Variants in POFUT2 observed in about 807,000 individuals in gnomAD.
The protein encoded by POFUT2 is protein O-fucosyltransferase 2, also known as GDP-fucose protein O-fucosyltransferase 2.
In POFUT2, 30 loss-of-function variants were observed where a neutral mutation model predicts 55.0. The observed-to-expected ratio is 0.55, with a 90% CI of 0.41 to 0.74. The LOEUF (loss-of-function observed/expected upper bound fraction) is 0.74. Ranked by LOEUF, POFUT2 falls within the 30% of genes least tolerant of loss-of-function variation. The pLI is 0.00. For missense variants in POFUT2, 524 were observed against 562.6 expected, an observed-to-expected ratio of 0.93 and a Z score of 0.69; for synonymous variants, 267 against 231.1, an observed-to-expected ratio of 1.16 and a Z score of -1.41.
chr21:45,265,717 A>T lies in POFUT2; in HGVS notation c.1137-82T>A. On this transcript the variant is annotated intron_variant, in intron 8 of 8. Transcript: ENST00000349485. The surrounding 1 kb of genome is among the most constrained non-coding windows in gnomAD (Gnocchi z 4.6). ...AGAGTCAGGGAGAACTGAGAGGAGCAGCTGAGTGAAATGAGTTCCACAGTT... is the reference window on the plus strand; with the variant it reads ...AGAGTCAGGGAGAACTGAGAGGAGCTGCTGAGTGAAATGAGTTCCACAGTT... 1 of 1,527,972 alleles carries T rather than the reference A, an allele frequency of 6.5e-7. No individual in the cohort carries two copies. The highest frequency in any genetic ancestry group is 8.7e-7 in the Non-Finnish European group (1 of 1,142,864). 94.7% of individuals were successfully genotyped at this position (1,527,972 alleles called of 1,614,324 possible).
At position 45,270,392 on chromosome 21, in the gene POFUT2, C is replaced by G. The variant is rs139055385; in HGVS notation, c.832-373G>C. The stretch of plus-strand genomic sequence containing the variant: ...TCACAGCTGCAAACTCCCCGGGAGC[C>G]AGAATGCTCTGCTGCCCTCTTGACA... On this transcript the variant is annotated intron_variant, in intron 6 of 8. Transcript: ENST00000349485. This position sits in a 1 kb window ranked among gnomAD's most constrained non-coding sequence, Gnocchi z 4.6. Among the ~76,000 whole-genome samples, 255 of 152,252 alleles carry G rather than the reference C, an allele frequency of 1.7e-3. 1 individual carries two copies. Among genetic ancestry groups the G allele is most frequent in the African/African-American group, 5.5e-3 (228 of 41,528 alleles).
Position 45,270,386 on chromosome 21 carries a change from G to A in POFUT2, c.832-367C>T, listed in dbSNP as rs751006660. Among the ~76,000 whole-genome samples the A allele has an allele frequency of 9.2e-5, 14 of 151,856 alleles. No homozygotes were observed. Among genetic ancestry groups the A allele is most frequent in the Non-Finnish European group, 1.5e-4 (10 of 67,994 alleles). Reference sequence around the variant, plus strand: ...AGCAGCTCACAGCTGCAAACTCCCCGGGAGCCAGAATGCTCTGCTGCCCTC... The same window carrying A: ...AGCAGCTCACAGCTGCAAACTCCCCAGGAGCCAGAATGCTCTGCTGCCCTC... On this transcript the variant is annotated intron_variant, in intron 6 of 8. Transcript: ENST00000349485. The surrounding 1 kb of genome is among the most constrained non-coding windows in gnomAD (Gnocchi z 4.6).
chr21:45,265,801 C>A lies in POFUT2; in HGVS notation c.1137-166G>T, dbSNP rs932152184. 1 of 1,423,316 alleles carries A rather than the reference C, an allele frequency of 7.0e-7. No individual in the cohort carries two copies. The allele number at this position is 1,423,316 out of a possible 1,614,324, so 88.2% of individuals were successfully genotyped here. ...CACCAGCCGGCCGCCCCCTTGCTGG[C>A]ACCCCTCGCTCAGGTGCCCTCGACA... On this transcript the variant is annotated intron_variant, in intron 8 of 8. Coordinates refer to ENST00000349485, the MANE Select transcript of POFUT2 (RefSeq NM_133635.6). The surrounding 1 kb of genome is among the most constrained non-coding windows in gnomAD (Gnocchi z 4.6).
In POFUT2 at chr21:45,285,093, C is replaced by CT. The variant is rs1394508267; in HGVS notation, c.382+584dup. Among the ~76,000 whole-genome samples the CT allele has an allele frequency of 1.3e-5, 2 of 152,200 alleles. No homozygotes were observed. The highest frequency in any genetic ancestry group is 4.8e-5 in the African/African-American group (2 of 41,434). On this transcript the variant is annotated intron_variant, in intron 2 of 8. Transcript: ENST00000349485. This position sits in a 1 kb window ranked among gnomAD's most constrained non-coding sequence, Gnocchi z 4.9. ...TGGAAAGCAGGAGCCTGACTCAAAA[C>CT]TAACTCATTCGTCTTCAAGGCCTCT...
chr21:45,283,710 G>A (rs1410269883), intron 2 of POFUT2, among the ~76,000 whole-genome samples, 183 bp from the exon 3 acceptor site: 1 of 152,216 alleles, frequency 6.6e-6, no homozygotes, highest in Non-Finnish European at 1.5e-5. Context: ...AGGGCCATCA[G>A]CGTGCAACTG....
At chr21:45,266,810 A>G (rs1033819375) in intron 8 of POFUT2, 39 of 998,700 alleles carry the variant, frequency 3.9e-5, no homozygotes, top group Non-Finnish European at 4.5e-5. Flanking sequence ...ACCCACAGAG[A>G]CGCACGCGTG....
In POFUT2 at chr21:45,270,099, C is replaced by A; in HGVS notation, c.832-80G>T. ...CCTGGGCACCGGGTGGGACTCGAGACGCAGAGGGATGACCCTTTCCATGTG... is the reference window on the plus strand; with the variant it reads ...CCTGGGCACCGGGTGGGACTCGAGAAGCAGAGGGATGACCCTTTCCATGTG... On this transcript the variant is annotated intron_variant, in intron 6 of 8. Coordinates refer to ENST00000349485, the MANE Select transcript of POFUT2 (RefSeq NM_133635.6). This position sits in a 1 kb window ranked among gnomAD's most constrained non-coding sequence, Gnocchi z 4.6. The A allele has an allele frequency of 8.4e-7, 1 of 1,187,424 alleles. No individual in the cohort carries two copies. The highest frequency in any genetic ancestry group is 1.8e-5 in the South Asian group (1 of 55,260). The allele number at this position is 1,187,424 out of a possible 1,614,324, so 73.6% of individuals were successfully genotyped here.
rs1339131891 is a variant in POFUT2, at chr21:45,270,501, C to G, written c.832-482G>C. Among the ~76,000 whole-genome samples, 3 of 152,252 alleles carry G rather than the reference C, an allele frequency of 2.0e-5. No individual in the cohort carries two copies. The highest frequency in any genetic ancestry group is 2.9e-5 in the Non-Finnish European group (2 of 68,046). ...AACCCTGCTCCAAGGAAGGAGAAAG[C>G]AACAGCTAATCCCACCACCTGCAAC... On this transcript the variant is annotated intron_variant, in intron 6 of 8. Coordinates refer to ENST00000349485, the MANE Select transcript of POFUT2 (RefSeq NM_133635.6). The surrounding 1 kb of genome is among the most constrained non-coding windows in gnomAD (Gnocchi z 4.6).
intron 7 of POFUT2, among the ~76,000 whole-genome samples, chr21:45,268,884 C>G (rs1249084085): frequency 1.8e-5 from 2 of 108,248 alleles, no homozygotes; most frequent in Non-Finnish European, 3.9e-5. Context: ...CCCCGGGCGG[C>G]CAGCCGCCCC....
At position 45,287,888 on chromosome 21, in the gene POFUT2, G is replaced by A; in HGVS notation, c.-17C>T. ...TGTCGCCATGGCCCCGGGCGGCCAC[G>A]CACTTCCGGCGGCCGCGCCCCGCCC... On this transcript the variant is annotated 5_prime_UTR_variant, in exon 1 of 9. Coordinates refer to ENST00000349485, the MANE Select transcript of POFUT2 (RefSeq NM_133635.6). 2 of 1,302,334 alleles carry A rather than the reference G, an allele frequency of 1.5e-6. No individual in the cohort carries two copies. Among genetic ancestry groups the A allele is most frequent in the Non-Finnish European group, 9.8e-7 (1 of 1,018,654 alleles). 80.7% of individuals were successfully genotyped at this position (1,302,334 alleles called of 1,614,324 possible).
intron 3 of POFUT2, among the ~76,000 whole-genome samples, chr21:45,283,111 C>T (rs971450307): frequency 6.6e-6 from 1 of 151,486 alleles, no homozygotes; most frequent in Non-Finnish European, 1.5e-5. Context: ...CGCCGCAACA[C>T]TGTCAGGATG....
At position 45,267,498 on chromosome 21, in the gene POFUT2, C is replaced by G. The variant is rs146867143; in HGVS notation, c.1136+92G>C. ...TGGAAATGACCACTGTGAACACAGG[C>G]GACCATCTGCTCTGACACCGAGTAC... On this transcript the variant is annotated intron_variant, in intron 8 of 8. Coordinates refer to ENST00000349485, the MANE Select transcript of POFUT2 (RefSeq NM_133635.6). The surrounding 1 kb of genome is among the most constrained non-coding windows in gnomAD (Gnocchi z 4.4). 1.3e-4 allele frequency: 213 copies of G among 1,614,142 alleles called. No individual in the cohort carries two copies. The African/African-American group carries it at 2.7e-3, about 21-fold the overall frequency.
In POFUT2 at chr21:45,269,896, G is replaced by A. The variant is rs750781994; in HGVS notation, c.955C>T (p.Leu319Phe). Residue 319 changes from leucine (L) to phenylalanine (F), a missense_variant, in exon 7 of 9, where the codon CTC becomes TTC. Around this residue, in one of 2 missense-constraint regions of POFUT2, gnomAD observed 250 missense variants for 318.2 expected, o/e 0.79. Transcript: ENST00000349485. ...TTGTCCAGCCGGTGGGTCTTCATGA[G>A]GCTGCGGATCTTCCTCACGGCCCCT... is the stretch of plus-strand genomic sequence containing the variant. ...LEGAVRKIRS[L>F]MKTHRLDKVF... 2.5e-6 allele frequency: 4 copies of A among 1,611,610 alleles called. No homozygotes were observed. The East Asian group carries it at 8.9e-5, about 36-fold the overall frequency.
intron 6 of POFUT2, among the ~76,000 whole-genome samples, chr21:45,275,778 T>A (rs531564348): frequency 6.6e-6 from 1 of 152,090 alleles, no homozygotes; most frequent in African/African-American, 2.4e-5. Context: ...AGACTACACA[T>A]TGGGGACAGT....
intron 8 of POFUT2, chr21:45,266,070 T>C (rs1333322150): frequency 4.8e-6 from 6 of 1,262,336 alleles, no homozygotes; most frequent in African/African-American, 3.0e-5. Flanking sequence ...TGAGGCACAG[T>C]AGACATCACG....
At chr21:45,266,043 A>G (rs949382670) in intron 8 of POFUT2, 58 of 1,226,122 alleles carry the variant, frequency 4.7e-5, no homozygotes, top group Non-Finnish European at 5.9e-5. Context: ...TAGCCAGGGC[A>G]TGGCGGGTCC....
intron 7 of POFUT2, among the ~76,000 whole-genome samples, chr21:45,268,007 G>A (rs1168740818): frequency 2.0e-5 from 3 of 151,740 alleles, no homozygotes; most frequent in African/African-American, 7.3e-5. Flanking sequence ...TCTCCCCACG[G>A]TCTCCCTCTC....
intron 6 of POFUT2, among the ~76,000 whole-genome samples, chr21:45,274,255 A>C (rs1295337489): frequency 6.6e-6 from 1 of 152,076 alleles, no homozygotes; most frequent in Non-Finnish European, 1.5e-5. Context: ...AACCAAAAAA[A>C]CCCACAAAAC....
At position 45,285,674 on chromosome 21, in the gene POFUT2, T is replaced by C. The variant is rs1355162080; in HGVS notation, c.382+4A>G. 6.2e-7 allele frequency: 1 copy of C among 1,613,676 alleles called. No homozygotes were observed. The highest frequency in any genetic ancestry group is 1.1e-5 in the South Asian group (1 of 91,052). On this transcript the variant is annotated splice_donor_region_variant and intron_variant, in intron 2 of 8. Coordinates refer to ENST00000349485, the MANE Select transcript of POFUT2 (RefSeq NM_133635.6). The surrounding 1 kb of genome is among the most constrained non-coding windows in gnomAD (Gnocchi z 4.9). ...CGGCCTCCCAGCGTGCCGCTCGGCC[T>C]CACCTGCGATGAACTGCTCATACTC...
Sources: gnomAD v4.1 joint callset for allele counts (sites outside exome capture counted in the v4.1 genomes callset) on GRCh38, gnomAD v4.1.1 for gene constraint, gnomAD v4.1.1 regional missense constraint, Gnocchi (gnomAD v3.1) non-coding constraint, MANE v1.5 for transcripts, NCBI Gene and HGNC (gene_info 2026-07-23, HGNC 2026-07-21) for gene names.